ZMAT2: variants seen among roughly 807,000 people sequenced by gnomAD.
ZMAT2 encodes zinc finger matrin-type 2, also known as zinc finger matrin-type protein 2.
ZMAT2 carries 5 observed loss-of-function variants against 27.5 expected under a neutral mutation model. The ratio of observed to expected loss-of-function variants is 0.18; its 90% confidence interval spans 0.10 to 0.38. The LOEUF is 0.38. ZMAT2 is among the 10% of genes least tolerant of loss of function. ZMAT2 has a pLI of 1.00. For missense variants in ZMAT2, 124 were observed against 243.9 expected (o/e 0.51, Z 3.27); for synonymous variants, 76 against 78.6 (o/e 0.97, Z 0.17).
chr5:140,702,544 T>C (rs774410834), intron 3 of ZMAT2, among the ~76,000 whole-genome samples: 4 of 152,242 alleles, frequency 2.6e-5, no homozygotes, highest in African/African-American at 4.8e-5. Flanking sequence ...TTTTAAATTT[T>C]TTATTGCCAT....
intron 3 of ZMAT2, among the ~76,000 whole-genome samples, chr5:140,703,223 CTTTTTCT>C (rs1332362453): frequency 4.0e-5 from 6 of 149,758 alleles, no homozygotes; most frequent in African/African-American, 1.2e-4. Flanking sequence ...TTTCTTTTTT[CTTTTTCT>C]TTTTTCTTTT....
intron 5 of ZMAT2, 150 bp from the exon 6 acceptor site, chr5:140,705,462 GC>G: frequency 2.2e-6 from 2 of 902,470 alleles, no homozygotes; most frequent in Non-Finnish European, 3.2e-6. Context: ...ACCTCTTTGT[GC>G]CTCAATATCC....
intron 2 of ZMAT2, 92 bp from the exon 3 acceptor site, chr5:140,701,914 T>A (rs934617821): frequency 1.3e-5 from 19 of 1,479,046 alleles, no homozygotes; most frequent in Non-Finnish European, 1.5e-5. Flanking sequence ...TTGAAATGAG[T>A]AAGACCTGAA....
Position 140,700,465 on chromosome 5 carries a change from C to T in ZMAT2, c.5C>T (p.Ala2Val). Residue 2 changes from alanine to valine, a missense_variant, in exon 1 of 6, where the codon GCG (alanine) becomes GTG (valine). By Grantham distance (64) the Ala-to-Val change is moderately conservative (BLOSUM62 0). Transcript: ENST00000274712. M[A>V]SGSGTKNLDF... Reference sequence around the variant, plus strand: ...GCCATTCACTTCGCTGTGAAGATGGCGTCGGGCAGCGGGGTAGGTGTTGTG... The same window carrying T: ...GCCATTCACTTCGCTGTGAAGATGGTGTCGGGCAGCGGGGTAGGTGTTGTG... The T allele has an allele frequency of 1.2e-6, 2 of 1,612,800 alleles. No individual in the cohort carries two copies. The highest frequency in any genetic ancestry group is 1.7e-6 in the Non-Finnish European group (2 of 1,179,824).
intron 3 of ZMAT2, among the ~76,000 whole-genome samples, chr5:140,702,437 A>T (rs914365229): frequency 3.0e-4 from 46 of 152,172 alleles, no homozygotes; most frequent in African/African-American, 1.1e-3. Context: ...GGAATTCAAG[A>T]CCAGCCTGGG....
At position 140,702,772 on chromosome 5, in the gene ZMAT2, C is replaced by T. The variant is rs550476882; in HGVS notation, c.236+643C>T. On this transcript the variant is annotated intron_variant, in intron 3 of 5. Coordinates refer to ENST00000274712, the MANE Select transcript of ZMAT2 (RefSeq NM_144723.3). ...TAGTTGTTATGGATGCCTGATTGTA[C>T]ACCTTCTTCCAAGACTATAACCTAT... Among the ~76,000 whole-genome samples the T allele has an allele frequency of 7.2e-5, 11 of 152,282 alleles. No individual in the cohort carries two copies. In the South Asian group the frequency reaches 2.1e-3, roughly 29 times the overall value.
In ZMAT2 at chr5:140,704,420, A is replaced by T; in HGVS notation, c.311-6A>T. The T allele has an allele frequency of 6.2e-7, 1 of 1,612,900 alleles. No homozygotes were observed. On this transcript the variant is annotated splice_region_variant and splice_polypyrimidine_tract_variant and intron_variant, in intron 4 of 5. Coordinates refer to ENST00000274712, the MANE Select transcript of ZMAT2 (RefSeq NM_144723.3). Reference sequence around the variant, plus strand: ...ACTTGCCTTCTTCACTGTTGACCCTATGCAGATCAGAGAAACCTGGGCATG... The same window carrying T: ...ACTTGCCTTCTTCACTGTTGACCCTTTGCAGATCAGAGAAACCTGGGCATG...
intron 4 of ZMAT2, 126 bp from the exon 5 acceptor site, chr5:140,704,300 G>GT (rs1760012825): frequency 7.4e-7 from 1 of 1,348,308 alleles, no homozygotes; most frequent in African/African-American, 1.5e-5. Flanking sequence ...GGCCAAGGGA[G>GT]TTTCTTTTAG....
At chr5:140,703,592 A>G (rs1435061226) in intron 3 of ZMAT2, among the ~76,000 whole-genome samples, 2 of 152,234 alleles carry the variant, frequency 1.3e-5, no homozygotes, top group Non-Finnish European at 1.5e-5. Flanking sequence ...CCCCAGAGCA[A>G]GTAACCCAAA....
intron 4 of ZMAT2, 86 bp downstream of exon 4, chr5:140,704,077 T>C (rs1418241110): frequency 1.3e-5 from 17 of 1,262,582 alleles, no homozygotes; most frequent in African/African-American, 3.0e-5. Flanking sequence ...TTTTTTCTTC[T>C]TTTTACTCAT....
Position 140,700,887 on chromosome 5 carries a change from C to T in ZMAT2, c.87C>T (p.Leu29=). ...ATGAGAAACTCGCCGAGAAGAGGCTCACGGAAGAGAGAGAAAAGAAAGATG... is the reference window on the plus strand; with the variant it reads ...ATGAGAAACTCGCCGAGAAGAGGCTTACGGAAGAGAGAGAAAAGAAAGATG... ...DEYEKLAEKR[L]TEEREKKDGK... Residue 29 remains leucine, a synonymous_variant, in exon 2 of 6, where the codon CTC becomes CTT. Coordinates refer to ENST00000274712, the MANE Select transcript of ZMAT2 (RefSeq NM_144723.3). The T allele has an allele frequency of 6.2e-7, 1 of 1,614,018 alleles. No individual in the cohort carries two copies. The highest frequency in any genetic ancestry group is 1.7e-5 in the Admixed American group (1 of 60,004).
At position 140,700,961 on chromosome 5, in the gene ZMAT2, A is replaced by G. The variant is rs377746694; in HGVS notation, c.112+49A>G. 4.2e-5 allele frequency: 66 copies of G among 1,582,942 alleles called. No individual in the cohort carries two copies. The African/African-American group carries it at 7.3e-4, about 18-fold the overall frequency. ...CTAAGGGTATCACAGAGGCGATGCG[A>G]TGATGGAGAGCGGGTGGGAGTTGAA... is the stretch of plus-strand genomic sequence containing the variant. On this transcript the variant is annotated intron_variant, in intron 2 of 5. Transcript: ENST00000274712.
At position 140,705,892 on chromosome 5, in the gene ZMAT2, G is replaced by C; in HGVS notation, c.*136G>C. On this transcript the variant is annotated 3_prime_UTR_variant, in exon 6 of 6. Coordinates refer to ENST00000274712, the MANE Select transcript of ZMAT2 (RefSeq NM_144723.3). ...TCAATGGGGAGGGATAGAGGGTGGG[G>C]GCTCATGGTTTCCCTCTACTTTGGG... is the stretch of plus-strand genomic sequence containing the variant. The C allele has an allele frequency of 8.8e-7, 1 of 1,135,966 alleles. No homozygotes were observed. The highest frequency in any genetic ancestry group is 1.2e-6 in the Non-Finnish European group (1 of 821,236). The allele number at this position is 1,135,966 out of a possible 1,614,324, so 70.4% of individuals were successfully genotyped here.
chr5:140,700,627 T>G (rs1300536300), intron 1 of ZMAT2, 149 bp downstream of exon 1: 18 of 1,426,598 alleles, frequency 1.3e-5, no homozygotes, highest in African/African-American at 2.9e-5. Context: ...TAATAGGCCT[T>G]GGCAGAGGGT....
At position 140,703,951 on chromosome 5, in the gene ZMAT2, G is replaced by A. The variant is rs1760007832; in HGVS notation, c.270G>A (p.Lys90=). The A allele has an allele frequency of 6.2e-7, 1 of 1,614,156 alleles. No individual in the cohort carries two copies. The highest frequency in any genetic ancestry group is 1.1e-5 in the South Asian group (1 of 91,086). ...YYCNVCDCVV[K]DSINFLDHIN... Reference sequence around the variant, plus strand: ...GCAATGTCTGTGACTGTGTGGTGAAGGACTCCATCAACTTTCTGGATCACA... The same window carrying A: ...GCAATGTCTGTGACTGTGTGGTGAAAGACTCCATCAACTTTCTGGATCACA... The change falls in exon 4 of 6, where the codon AAG becomes AAA. Residue 90 remains lysine, a synonymous_variant. Coordinates refer to ENST00000274712, the MANE Select transcript of ZMAT2 (RefSeq NM_144723.3).
At chr5:140,702,985 A>T (rs565931599) in intron 3 of ZMAT2, among the ~76,000 whole-genome samples, 1 of 152,326 alleles carries the variant, frequency 6.6e-6, no homozygotes, top group East Asian at 1.9e-4. Context: ...TAACAAATTA[A>T]CCTAAAGCTT....
intron 3 of ZMAT2, 101 bp from the exon 4 acceptor site, chr5:140,703,817 C>A: frequency 9.3e-7 from 1 of 1,073,082 alleles, no homozygotes; most frequent in Non-Finnish European, 1.4e-6. Context: ...GAAGGCTTAA[C>A]ACTTCTAAAA....
rs1344356633 is a variant in ZMAT2, at chr5:140,705,586, C to T, written c.457-27C>T. On this transcript the variant is annotated intron_variant, in intron 5 of 5. Transcript: ENST00000274712. ...ACAACATTTGGCTGAGGAGTCTAAACTGATTCTGAGTGATTTTTCCCTCCA... is the reference window on the plus strand; with the variant it reads ...ACAACATTTGGCTGAGGAGTCTAAATTGATTCTGAGTGATTTTTCCCTCCA... The T allele has an allele frequency of 1.9e-6, 3 of 1,594,266 alleles. No individual in the cohort carries two copies. In the Admixed American group the frequency reaches 5.3e-5, roughly 28 times the overall value.
At position 140,700,511 on chromosome 5, in the gene ZMAT2, G is replaced by T. The variant is rs760765584; in HGVS notation, c.18+33G>T. 6 of 1,612,670 alleles carry T rather than the reference G, an allele frequency of 3.7e-6. No individual in the cohort carries two copies. In the South Asian group the frequency reaches 6.6e-5, roughly 18 times the overall value. ...TTGTGTCTGAGGAGGAGGTTTTGCG[G>T]GGTGGGGAATGGTTTTTCAGACCTG... On this transcript the variant is annotated intron_variant, in intron 1 of 5. Coordinates refer to ENST00000274712, the MANE Select transcript of ZMAT2 (RefSeq NM_144723.3).
Sources: allele counts gnomAD v4.1 joint callset (sites outside exome capture counted in the v4.1 genomes callset), GRCh38; gene constraint gnomAD v4.1.1; transcripts MANE v1.5; gene names NCBI Gene and HGNC (gene_info 2026-07-23, HGNC 2026-07-21).